The following PDILT variants were observed in gnomAD, a reference collection of about 807,000 sequenced individuals.
PDILT encodes the protein protein disulfide-isomerase-like protein of the testis.
PDILT carries 43 observed loss-of-function variants against 53.7 expected under a neutral mutation model. The ratio of observed to expected loss-of-function variants is 0.80; its 90% CI spans 0.63 to 1.03. PDILT has a LOEUF of 1.03. Among genes scored for constraint, PDILT ranks in the 50% least tolerant of loss-of-function variants. PDILT has a pLI of 0.00. For missense variants in PDILT, 727 were observed against 712.3 expected, an observed-to-expected ratio of 1.02 and a Z score of -0.24; for synonymous variants, 282 against 274.2, an observed-to-expected ratio of 1.03 and a Z score of -0.28.
chr16:20,396,460 T>C (rs1309049989), intron 2 of PDILT, among the ~76,000 whole-genome samples: 1 of 152,240 alleles, frequency 6.6e-6, no homozygotes, highest in Non-Finnish European at 1.5e-5. Flanking sequence ...ACTAACTCTT[T>C]GGCTTTGATT....
intron 8 of PDILT, among the ~76,000 whole-genome samples, chr16:20,368,709 C>G (rs1224175375): frequency 6.6e-6 from 1 of 152,084 alleles, no homozygotes; most frequent in Non-Finnish European, 1.5e-5. Flanking sequence ...AATGCTCCTG[C>G]CTCAGCCTCC....
chr16:20,368,180 C>T (rs927920895), intron 8 of PDILT, among the ~76,000 whole-genome samples: 4 of 152,140 alleles, frequency 2.6e-5, no homozygotes, highest in East Asian at 3.9e-4. Context: ...GGCATGGACA[C>T]GTCAGCTATT....
intron 9 of PDILT, among the ~76,000 whole-genome samples, chr16:20,364,089 G>T (rs1205292342): frequency 6.6e-6 from 1 of 152,194 alleles, no homozygotes; most frequent in Admixed American, 6.5e-5. Flanking sequence ...GCACTCAGCG[G>T]GTCCTGGGTC....
In PDILT at chr16:20,372,817, C is replaced by T. The variant is rs1596584473; in HGVS notation, c.903G>A (p.Lys301=). 6.2e-7 allele frequency: 1 copy of T among 1,613,972 alleles called. No homozygotes were observed. Among genetic ancestry groups the T allele is most frequent in the East Asian group, 2.2e-5 (1 of 44,876 alleles). The change falls in exon 7 of 12, where the codon AAG becomes AAA. Residue 301 remains lysine, a synonymous_variant. Coordinates refer to ENST00000302451, the MANE Select transcript of PDILT (RefSeq NM_174924.2). The part of the protein sequence containing the change: ...IIIQHYKLAS[K]EFQNKILFIL... ...CTCTACAAACCTTGTTTTGGAATTC[C>T]TTTGATGCCAGCTTATAATGCTGAA...
At chr16:20,369,824 G>A in intron 7 of PDILT, 135 bp from the exon 8 acceptor site, 3 of 848,052 alleles carry the variant, frequency 3.5e-6, no homozygotes, top group East Asian at 2.6e-5. Flanking sequence ...AAAGGCAGGT[G>A]GAGCTCTGCA....
intron 3 of PDILT, among the ~76,000 whole-genome samples, chr16:20,378,204 T>G (rs537330483): frequency 6.6e-6 from 1 of 152,224 alleles, no homozygotes; most frequent in Non-Finnish European, 1.5e-5. Context: ...TATATTTACA[T>G]GCAGAAAGGT....
chr16:20,385,900 C>G (rs1348274428), intron 2 of PDILT: 3 of 152,142 alleles, frequency 2.0e-5, no homozygotes, highest in Admixed American at 6.5e-5. Context: ...ATTATGGAGA[C>G]AGAGAGGAAG....
chr16:20,369,829 T>C (rs1318815305), intron 7 of PDILT, 140 bp from the exon 8 acceptor site: 1 of 811,346 alleles, frequency 1.2e-6, no homozygotes, highest in Non-Finnish European at 2.0e-6. Context: ...CAGGTGGAGC[T>C]CTGCACCGAA....
chr16:20,365,281 C>A, intron 9 of PDILT, 139 bp downstream of exon 9: 1 of 900,526 alleles, frequency 1.1e-6, no homozygotes, highest in Non-Finnish European at 1.7e-6. Context: ...TTGAGTCAAT[C>A]CCTTTGGGTA....
intron 3 of PDILT, among the ~76,000 whole-genome samples, chr16:20,381,830 C>G (rs1312286118): frequency 6.6e-6 from 1 of 152,046 alleles, no homozygotes; most frequent in Non-Finnish European, 1.5e-5. Context: ...TGGGTGGGTA[C>G]TTTACCCTAT....
At chr16:20,376,736 C>T (rs1873601368) in intron 3 of PDILT, among the ~76,000 whole-genome samples, 1 of 152,178 alleles carries the variant, frequency 6.6e-6, no homozygotes, top group Admixed American at 6.5e-5. Context: ...GATCCAAATG[C>T]CCTTTAAGGT....
chr16:20,360,385 C>T (rs1311497587), intron 11 of PDILT, among the ~76,000 whole-genome samples, 183 bp downstream of exon 11: 1 of 152,130 alleles, frequency 6.6e-6, no homozygotes, highest in African/African-American at 2.4e-5. Flanking sequence ...ATTTCTGCTT[C>T]CCATAGTAAG....
At chr16:20,404,291 C>T (rs771593505) in intron 1 of PDILT, among the ~76,000 whole-genome samples, 8 of 152,126 alleles carry the variant, frequency 5.3e-5, no homozygotes, top group Non-Finnish European at 1.0e-4. Context: ...AAACCCAAAC[C>T]CAGTAGGTTC....
rs374065047 is a variant in PDILT, at chr16:20,389,480, G to A, written c.203-4629C>T. Among the ~76,000 whole-genome samples the A allele has an allele frequency of 3.3e-5, 5 of 152,142 alleles. No individual in the cohort carries two copies. In the South Asian group the frequency reaches 8.3e-4, roughly 25 times the overall value. Reference sequence around the variant, plus strand: ...TGACCAGATTCTCTCTGGGAAGGGAGGGTCCCATGGCAATGTCAGGAACCC... The same window carrying A: ...TGACCAGATTCTCTCTGGGAAGGGAAGGTCCCATGGCAATGTCAGGAACCC... On this transcript the variant is annotated intron_variant, in intron 2 of 11. Transcript: ENST00000302451.
intron 1 of PDILT, among the ~76,000 whole-genome samples, chr16:20,402,660 G>A (rs1966758655): frequency 6.6e-6 from 1 of 152,186 alleles, no homozygotes. Context: ...TTGACTAAGG[G>A]AAGCAAAGAA....
At chr16:20,381,215 C>A (rs1966456823) in intron 3 of PDILT, among the ~76,000 whole-genome samples, 1 of 152,344 alleles carries the variant, frequency 6.6e-6, no homozygotes, top group South Asian at 2.1e-4. Flanking sequence ...AGGACTAAAT[C>A]CCACCAGTGT....
chr16:20,359,830 T>C (rs1596574651), intron 11 of PDILT, among the ~76,000 whole-genome samples: 2 of 152,174 alleles, frequency 1.3e-5, no homozygotes, highest in East Asian at 3.9e-4. Context: ...AGTCTGTAGA[T>C]GTGGCTCCTG....
At chr16:20,363,182 T>C (rs893988598) in intron 9 of PDILT, among the ~76,000 whole-genome samples, 1 of 151,700 alleles carries the variant, frequency 6.6e-6, no homozygotes, top group African/African-American at 2.4e-5. Context: ...AGTGTGTTCA[T>C]GTTTTCTTCT....
At chr16:20,388,325 T>C (rs867470593) in intron 2 of PDILT, among the ~76,000 whole-genome samples, 1 of 152,176 alleles carries the variant, frequency 6.6e-6, no homozygotes, top group Non-Finnish European at 1.5e-5. Flanking sequence ...GTGAGTTATC[T>C]GTGATTACAA....
Sources: gnomAD v4.1 joint callset for allele counts (sites outside exome capture counted in the v4.1 genomes callset) on GRCh38, gnomAD v4.1.1 for gene constraint, MANE v1.5 for transcripts, NCBI Gene and HGNC (gene_info 2026-07-23, HGNC 2026-07-21) for gene names.